CDH13: variants seen among roughly 807,000 people sequenced by gnomAD.
CDH13 encodes cadherin-13.
CDH13 carries 24 observed loss-of-function variants against 63.8 expected under a neutral mutation model. The observed-to-expected ratio is 0.38, with a 90% CI of 0.27 to 0.53. The LOEUF (loss-of-function observed/expected upper bound fraction) is 0.53. CDH13 is among the 20% of genes least tolerant of loss of function. CDH13 has a pLI of 0.85. For synonymous variants in CDH13, 503 were observed against 355.3 expected, an observed-to-expected ratio of 1.42 and a Z score of -4.67; for missense variants, 1,049 against 903.1, an observed-to-expected ratio of 1.16 and a Z score of -2.07.
chr16:83,182,372 A>G (rs576145745), intron 4 of CDH13, among the ~76,000 whole-genome samples: 6 of 152,210 alleles, frequency 3.9e-5, no homozygotes, highest in African/African-American at 1.4e-4. Context: ...CCAGGTTCAG[A>G]CCCCTTGGTC....
chr16:83,613,262 C>G (rs1232270460), intron 8 of CDH13, among the ~76,000 whole-genome samples: 1 of 152,184 alleles, frequency 6.6e-6, no homozygotes, highest in Non-Finnish European at 1.5e-5. Flanking sequence ...CTGTGACATG[C>G]TGAACTGTGG....
At chr16:83,480,298 A>G (rs1349475578) in intron 6 of CDH13, among the ~76,000 whole-genome samples, 1 of 152,220 alleles carries the variant, frequency 6.6e-6, no homozygotes. Context: ...CCTAGGTGAC[A>G]GAGGGAGACC....
At chr16:83,037,749 T>G (rs1200941266) in intron 3 of CDH13, among the ~76,000 whole-genome samples, 1 of 152,166 alleles carries the variant, frequency 6.6e-6, no homozygotes, top group Non-Finnish European at 1.5e-5. Flanking sequence ...TTGGCTTATG[T>G]TGGACATGAG....
At chr16:83,613,790 G>T (rs796162985) in intron 8 of CDH13, among the ~76,000 whole-genome samples, 1 of 152,108 alleles carries the variant, frequency 6.6e-6, no homozygotes, top group Non-Finnish European at 1.5e-5. Context: ...CTGAGATCAT[G>T]CCACCGCACT....
At chr16:83,169,387 G>A (rs1287056026) in intron 4 of CDH13, among the ~76,000 whole-genome samples, 2 of 151,996 alleles carry the variant, frequency 1.3e-5, no homozygotes, top group Non-Finnish European at 2.9e-5. Context: ...ATATTGGCCA[G>A]GATTGTCTTG....
At chr16:82,822,488 CT>C (rs1238529839) in intron 1 of CDH13, among the ~76,000 whole-genome samples, 3 of 152,132 alleles carry the variant, frequency 2.0e-5, no homozygotes, top group Non-Finnish European at 4.4e-5. Context: ...AAAATAGTTA[CT>C]GTTCCAGTTA....
At chr16:83,411,276 C>T (rs933333383) in intron 6 of CDH13, among the ~76,000 whole-genome samples, 2 of 152,202 alleles carry the variant, frequency 1.3e-5, no homozygotes, top group Admixed American at 6.5e-5. Context: ...GAGGTCTTGT[C>T]TGGTTACCCC....
chr16:82,728,454 T>G (rs2033219531), intron 1 of CDH13, among the ~76,000 whole-genome samples: 1 of 152,056 alleles, frequency 6.6e-6, no homozygotes, highest in African/African-American at 2.4e-5. Context: ...AATTTTTTTT[T>G]TGTTTCCCAG....
intron 6 of CDH13, among the ~76,000 whole-genome samples, chr16:83,389,347 C>T (rs998155202): frequency 6.6e-6 from 1 of 152,052 alleles, no homozygotes; most frequent in Non-Finnish European, 1.5e-5. Context: ...AAAATGAGAT[C>T]GTACCATAAC....
chr16:83,180,126 G>T (rs148085763), intron 4 of CDH13, among the ~76,000 whole-genome samples: 1 of 150,294 alleles, frequency 6.7e-6, no homozygotes, highest in Non-Finnish European at 1.5e-5. Flanking sequence ...TTTAATTGTC[G>T]TTTAAAAGTA....
At chr16:82,863,107 C>T (rs1393402288) in intron 2 of CDH13, among the ~76,000 whole-genome samples, 1 of 152,158 alleles carries the variant, frequency 6.6e-6, no homozygotes, top group African/African-American at 2.4e-5. Context: ...GGATCACAGT[C>T]TCTACAAAGA....
intron 3 of CDH13, among the ~76,000 whole-genome samples, chr16:83,060,214 G>A (rs1012951969): frequency 3.3e-5 from 5 of 151,978 alleles, no homozygotes; most frequent in African/African-American, 1.2e-4. Context: ...AATATAAGAT[G>A]GATATAAAGC....
chr16:82,938,839 A>T (rs1005721563), intron 2 of CDH13, among the ~76,000 whole-genome samples: 1 of 152,190 alleles, frequency 6.6e-6, no homozygotes, highest in African/African-American at 2.4e-5. Context: ...ATCCATCCTG[A>T]GGAGGGAGGG....
chr16:82,763,955 G>A (rs1022046350), intron 1 of CDH13, among the ~76,000 whole-genome samples: 2 of 152,196 alleles, frequency 1.3e-5, no homozygotes, highest in Non-Finnish European at 2.9e-5. Context: ...TTACGGGTGT[G>A]AGCCACTGTG....
At chr16:83,059,195 C>A (rs979234765) in intron 3 of CDH13, among the ~76,000 whole-genome samples, 1 of 152,192 alleles carries the variant, frequency 6.6e-6, no homozygotes, top group Non-Finnish European at 1.5e-5. Flanking sequence ...CCCAGATCCT[C>A]TGGGAACCCT....
intron 2 of CDH13, among the ~76,000 whole-genome samples, chr16:82,942,998 C>G (rs890020246): frequency 6.6e-6 from 1 of 152,178 alleles, no homozygotes; most frequent in African/African-American, 2.4e-5. Flanking sequence ...GTATGCCTAA[C>G]TAAGAATGAG....
At chr16:82,677,141 C>T (rs929047228) in intron 1 of CDH13, among the ~76,000 whole-genome samples, 3 of 152,210 alleles carry the variant, frequency 2.0e-5, no homozygotes, top group African/African-American at 4.8e-5. Context: ...CTTGGCCTCC[C>T]AAAGTGGTGG....
At chr16:83,188,494 C>G (rs2038595506) in intron 4 of CDH13, among the ~76,000 whole-genome samples, 1 of 152,120 alleles carries the variant, frequency 6.6e-6, no homozygotes, top group South Asian at 2.1e-4. Context: ...AAGAAGCCAG[C>G]CTCGCTGCCC....
At chr16:83,057,354 G>A (rs2031055760) in intron 3 of CDH13, among the ~76,000 whole-genome samples, 2 of 152,138 alleles carry the variant, frequency 1.3e-5, no homozygotes, top group South Asian at 4.1e-4. Flanking sequence ...CCTGAGGGAG[G>A]TTTCTGAGAT....
Sources: gnomAD v4.1 joint callset for allele counts (sites outside exome capture counted in the v4.1 genomes callset) on GRCh38, gnomAD v4.1.1 for gene constraint, MANE v1.5 for transcripts, NCBI Gene and HGNC (gene_info 2026-07-23, HGNC 2026-07-21) for gene names.